SH3BP5: variants seen among roughly 807,000 people sequenced by gnomAD.
SH3BP5 encodes SH3 domain-binding protein 5.
A neutral mutation model predicts 43.3 loss-of-function variants in SH3BP5; 22 were observed. That is an observed-to-expected ratio of 0.51 (90% confidence interval 0.36 to 0.73). The LOEUF (loss-of-function observed/expected upper bound fraction) is 0.73, where lower values mean the gene tolerates loss of function less well. SH3BP5 is among the 30% of genes least tolerant of loss of function. The pLI is 0.00. For synonymous variants in SH3BP5, 255 were observed against 225.8 expected, an observed-to-expected ratio of 1.13 and a Z score of -1.16; for missense variants, 529 against 586.9, an observed-to-expected ratio of 0.90 and a Z score of 1.02.
intron 2 of SH3BP5, among the ~76,000 whole-genome samples, chr3:15,306,152 C>A (rs939652892): frequency 1.3e-5 from 2 of 151,716 alleles, no homozygotes; most frequent in Admixed American, 1.3e-4. Flanking sequence ...GTCAGGAGAT[C>A]GAGACCATCC....
chr3:15,337,229 C>T (rs139053734), upstream of SH3BP5, among the ~76,000 whole-genome samples: 3,092 of 151,170 alleles, frequency 0.02, 108 homozygotes, highest in African/African-American at 0.069. Context: ...GGATTATAGG[C>T]GCCTGCCACC....
In SH3BP5 at chr3:15,294,324, TGTGTGTGCGC is replaced by T. The variant is rs1258340724; in HGVS notation, c.330+9769_330+9778del. Among the ~76,000 whole-genome samples, 261 of 135,542 alleles carry T rather than the reference TGTGTGTGCGC, an allele frequency of 1.9e-3. 5 individuals are homozygous for T. The highest frequency in any genetic ancestry group is 7.8e-3 in the African/African-American group (247 of 31,570). 88.9% of individuals were successfully genotyped at this position (135,542 alleles called of 152,430 possible). A position where few individuals can be genotyped will look rare whatever the true frequency, so the allele number is the denominator to read the frequency against. On this transcript the variant is annotated intron_variant, in intron 3 of 8. Coordinates refer to ENST00000383791, the MANE Select transcript of SH3BP5 (RefSeq NM_004844.5). ...GTGTGTGTGTGTGTGTGTGTGTGTGTGTGTGTGCGCGCGCATGTTTACGTAACTCCCCCTC... is the reference window on the plus strand; with the variant it reads ...GTGTGTGTGTGTGTGTGTGTGTGTGTGCGCATGTTTACGTAACTCCCCCTC...
chr3:15,307,777 G>A (rs551962765), intron 2 of SH3BP5, among the ~76,000 whole-genome samples: 237 of 152,336 alleles, frequency 1.6e-3, no homozygotes, highest in South Asian at 0.012. Flanking sequence ...GCATCCTCAC[G>A]GTCACCTCCC....
At chr3:15,256,744 G>A (rs1575271281) in intron 8 of SH3BP5, 109 bp downstream of exon 8, 2 of 1,260,112 alleles carry the variant, frequency 1.6e-6, no homozygotes, top group Non-Finnish European at 2.2e-6. Context: ...CAGAGACCTG[G>A]TAATGCAGCA....
intron 3 of SH3BP5, among the ~76,000 whole-genome samples, 168 bp from the exon 4 acceptor site, chr3:15,270,045 CCT>C (rs1230235863): frequency 6.6e-6 from 1 of 152,240 alleles, no homozygotes; most frequent in Non-Finnish European, 1.5e-5. Context: ...GCAATGGACC[CCT>C]GATGGGGGAG....
chr3:15,323,161 A>C (rs116334800), intron 2 of SH3BP5, among the ~76,000 whole-genome samples: 3,915 of 152,062 alleles, frequency 0.026, 76 homozygotes, highest in Non-Finnish European at 0.035. Context: ...TAAATAAATA[A>C]ATAAAGCAGG....
intron 3 of SH3BP5, among the ~76,000 whole-genome samples, chr3:15,273,786 G>A (rs758928709): frequency 4.6e-5 from 7 of 152,192 alleles, no homozygotes; most frequent in Non-Finnish European, 1.0e-4. Flanking sequence ...CAGCTAATGA[G>A]AGGTAAATGA....
At chr3:15,332,181 TG>T in intron 1 of SH3BP5, 89 bp downstream of exon 1, 2 of 1,530,910 alleles carry the variant, frequency 1.3e-6, no homozygotes, top group Non-Finnish European at 1.8e-6. Context: ...CCACAGTTAC[TG>T]GGGGCTGCGA....
intron 5 of SH3BP5, among the ~76,000 whole-genome samples, chr3:15,260,825 G>A (rs1275582447): frequency 6.6e-6 from 1 of 152,144 alleles, no homozygotes; most frequent in Non-Finnish European, 1.5e-5. Context: ...TAACCTTTGG[G>A]CAGACAGGAG....
At chr3:15,257,521 G>C (rs3773474) in intron 7 of SH3BP5, 7,290 of 160,164 alleles carry the variant, frequency 0.046, 369 homozygotes, top group African/African-American at 0.12. Context: ...CTGGACTCAG[G>C]CTTCTTTCTT....
At chr3:15,264,306 A>G (rs1302059845) in intron 4 of SH3BP5, 1 of 151,438 alleles carries the variant, frequency 6.6e-6, no homozygotes, top group African/African-American at 2.4e-5. Flanking sequence ...AGAAATGAAG[A>G]TGAACTGTGT....
At chr3:15,276,484 C>A (rs992107986) in intron 3 of SH3BP5, among the ~76,000 whole-genome samples, 2 of 152,198 alleles carry the variant, frequency 1.3e-5, no homozygotes, top group African/African-American at 2.4e-5. Context: ...AGTCACCAGA[C>A]AATTGGACGG....
chr3:15,315,636 C>G (rs759493968), intron 2 of SH3BP5, among the ~76,000 whole-genome samples: 1 of 152,160 alleles, frequency 6.6e-6, no homozygotes, highest in Non-Finnish European at 1.5e-5. Context: ...CCCTCCTAGA[C>G]AGAAAGGGTC....
intron 3 of SH3BP5, among the ~76,000 whole-genome samples, chr3:15,291,148 C>G (rs906717334): frequency 6.6e-6 from 1 of 152,224 alleles, no homozygotes; most frequent in African/African-American, 2.4e-5. Context: ...CCCAGAAACA[C>G]CAGGCTTGGG....
At chr3:15,265,507 C>T (rs1696601457) in intron 4 of SH3BP5, among the ~76,000 whole-genome samples, 1 of 139,374 alleles carries the variant, frequency 7.2e-6, no homozygotes, top group Admixed American at 7.4e-5. Flanking sequence ...CAGGGCGAGA[C>T]TCCGTCACAC....
chr3:15,334,230 C>G (rs988938996), upstream of SH3BP5, among the ~76,000 whole-genome samples: 1 of 152,142 alleles, frequency 6.6e-6, no homozygotes, highest in Non-Finnish European at 1.5e-5. Flanking sequence ...CTTTTGTTGT[C>G]TTATTTTTTG....
At chr3:15,333,088 C>A (rs1230783323), upstream of SH3BP5, 1 of 985,394 alleles carries the variant, frequency 1.0e-6, no homozygotes, top group Non-Finnish European at 1.2e-6. Context: ...GCGGTCCTAC[C>A]TGAATAGCCA....
At chr3:15,265,059 C>T (rs548801879) in intron 4 of SH3BP5, among the ~76,000 whole-genome samples, 76 of 151,992 alleles carry the variant, frequency 5.0e-4, no homozygotes, top group African/African-American at 1.8e-3. Context: ...AGCAGAAGCA[C>T]AGGCTTTCTA....
At position 15,332,577 on chromosome 3, in the gene SH3BP5, C is replaced by A; in HGVS notation, c.-169G>T. On this transcript the variant is annotated 5_prime_UTR_variant, in exon 1 of 9. Transcript: ENST00000383791. ...CCGATGCGGATACCTCCGGCCGCGGCGGAGCAGAGGAAATGGGCGCGGCCG... is the reference window on the plus strand; with the variant it reads ...CCGATGCGGATACCTCCGGCCGCGGAGGAGCAGAGGAAATGGGCGCGGCCG... The A allele has an allele frequency of 8.2e-7, 1 of 1,221,082 alleles. No individual in the cohort carries two copies. Among genetic ancestry groups the A allele is most frequent in the African/African-American group, 1.6e-5 (1 of 63,204 alleles). 75.6% of individuals were successfully genotyped at this position (1,221,082 alleles called of 1,614,324 possible).
Sources: gnomAD v4.1 joint callset for allele counts (sites outside exome capture counted in the v4.1 genomes callset) on GRCh38, gnomAD v4.1.1 for gene constraint, MANE v1.5 for transcripts, NCBI Gene and HGNC (gene_info 2026-07-23, HGNC 2026-07-21) for gene names.